SCPEP1: variants seen among roughly 807,000 people sequenced by gnomAD.
SCPEP1 encodes the protein retinoid-inducible serine carboxypeptidase.
Under a neutral mutation model 63.8 loss-of-function variants are expected in SCPEP1, and 51 were observed. The observed-to-expected ratio is 0.80, with a 90% confidence interval of 0.64 to 1.01. The LOEUF is 1.01. Among genes scored for constraint, SCPEP1 ranks in the 50% least tolerant of loss-of-function variants. The pLI, the probability that SCPEP1 is intolerant of heterozygous loss-of-function variation, is 0.00. For missense variants in SCPEP1, 499 were observed against 554.9 expected (o/e 0.90, Z 1.01); for synonymous variants, 204 against 207.8 (o/e 0.98, Z 0.16).
intron 3 of SCPEP1, chr17:56,987,482 C>T (rs1285003782): frequency 6.4e-5 from 22 of 342,892 alleles, no homozygotes; most frequent in East Asian, 9.4e-5. Context: ...TTTTTTTTTG[C>T]GGCGGCGGGG....
chr17:57,003,173 A>C (rs371505530), intron 12 of SCPEP1, among the ~76,000 whole-genome samples: 1 of 152,112 alleles, frequency 6.6e-6, no homozygotes, highest in Non-Finnish European at 1.5e-5. Context: ...CATGGAGAGC[A>C]GTGAATACAA....
chr17:57,002,299 G>A (rs1003124144), intron 12 of SCPEP1, 118 bp downstream of exon 12: 7 of 957,144 alleles, frequency 7.3e-6, no homozygotes, highest in South Asian at 4.9e-5. Context: ...GGGCCCGAGG[G>A]CCAGGTACAG....
chr17:56,997,085 C>T (rs1163084348), intron 9 of SCPEP1, 30 bp downstream of exon 9: 3 of 1,339,734 alleles, frequency 2.2e-6, no homozygotes, highest in Non-Finnish European at 3.1e-6. Flanking sequence ...ATTAAAGTCC[C>T]TGCCTCAGCC....
intron 2 of SCPEP1, 65 bp from the exon 3 acceptor site, chr17:56,985,313 T>TGGTC: frequency 4.2e-6 from 5 of 1,180,174 alleles, no homozygotes; most frequent in Non-Finnish European, 6.4e-6. Flanking sequence ...ATAGCAAATG[T>TGGTC]GGTCATTCAT....
chr17:56,982,417 CTT>C (rs1278966048), intron 2 of SCPEP1, among the ~76,000 whole-genome samples: 4 of 152,236 alleles, frequency 2.6e-5, no homozygotes, highest in African/African-American at 9.6e-5. Context: ...GGGCCTTTCT[CTT>C]TTGGAATTAT....
chr17:57,001,975 C>T, intron 11 of SCPEP1, 43 bp from the exon 12 acceptor site: 3 of 1,585,906 alleles, frequency 1.9e-6, no homozygotes, highest in African/African-American at 1.4e-5. Context: ...CCTATTCTAT[C>T]CAGCTGTTAA....
intron 12 of SCPEP1, among the ~76,000 whole-genome samples, chr17:57,003,280 C>T (rs1911795168): frequency 6.6e-6 from 1 of 152,050 alleles, no homozygotes; most frequent in African/African-American, 2.4e-5. Flanking sequence ...GGAGTTCAGA[C>T]AGTAGGGCAC....
At position 56,991,060 on chromosome 17, in the gene SCPEP1, T is replaced by A. The variant is rs747704326; in HGVS notation, c.547-39T>A. ...GTGTTGGGATTACTGCGTGAGCCACTGCACCTGGCCTGAGGACGTTTCTTG... is the reference window on the plus strand; with the variant it reads ...GTGTTGGGATTACTGCGTGAGCCACAGCACCTGGCCTGAGGACGTTTCTTG... On this transcript the variant is annotated intron_variant, in intron 5 of 12. Transcript: ENST00000262288. The A allele has an allele frequency of 2.0e-6, 3 of 1,508,428 alleles. No homozygotes were observed. The Admixed American group carries it at 5.0e-5, about 25-fold the overall frequency. 93.4% of individuals were successfully genotyped at this position (1,508,428 alleles called of 1,614,324 possible).
At chr17:56,999,981 TAAAAAAAAAAAA>T (rs761068231) in intron 10 of SCPEP1, among the ~76,000 whole-genome samples, 1 of 103,838 alleles carries the variant, frequency 9.6e-6, no homozygotes, top group Admixed American at 9.9e-5. Flanking sequence ...AAACTCTGTC[TAAAAAAAAAAAA>T]AAAAAAAAGA....
chr17:57,003,216 G>T (rs1766659150), intron 12 of SCPEP1, among the ~76,000 whole-genome samples: 1 of 152,170 alleles, frequency 6.6e-6, no homozygotes, highest in African/African-American at 2.4e-5. Context: ...CGAGGACTTG[G>T]AATGGACACT....
At chr17:56,981,534 G>T (rs893368648) in intron 2 of SCPEP1, among the ~76,000 whole-genome samples, 1 of 152,142 alleles carries the variant, frequency 6.6e-6, no homozygotes, top group Non-Finnish European at 1.5e-5. Flanking sequence ...GTGTTTTGAG[G>T]CCGGGCACAG....
chr17:56,979,705 C>T (rs1911016250), intron 1 of SCPEP1, among the ~76,000 whole-genome samples: 1 of 152,128 alleles, frequency 6.6e-6, no homozygotes, highest in Non-Finnish European at 1.5e-5. Flanking sequence ...AAATCATCTA[C>T]ATGAGTTAGG....
intron 1 of SCPEP1, among the ~76,000 whole-genome samples, chr17:56,980,772 G>A (rs1911043901): frequency 8.6e-6 from 1 of 116,332 alleles, no homozygotes; most frequent in African/African-American, 3.3e-5. Context: ...TGGGCAACAA[G>A]AGCGAGACTT....
At chr17:56,995,397 C>A in intron 7 of SCPEP1, 110 bp from the exon 8 acceptor site, 1 of 1,138,516 alleles carries the variant, frequency 8.8e-7, no homozygotes, top group Non-Finnish European at 1.3e-6. Context: ...GATATGTGAG[C>A]TCCCGTTCTC....
intron 2 of SCPEP1, 141 bp from the exon 3 acceptor site, chr17:56,985,237 G>T: frequency 1.5e-6 from 1 of 662,680 alleles, no homozygotes. Flanking sequence ...GGAAGTCCCT[G>T]GTTCACTAGA....
intron 12 of SCPEP1, 21 bp downstream of exon 12, chr17:57,002,202 C>T (rs1451362491): frequency 1.2e-6 from 2 of 1,609,884 alleles, no homozygotes; most frequent in African/African-American, 2.7e-5. Flanking sequence ...GCTTTTGTTC[C>T]AGACTTAAAA....
rs139378442 is a variant in SCPEP1 at position 57,000,988 on chromosome 17, C to T, written c.1128C>T (p.Thr376=). The change falls in exon 11 of 13, where the codon ACC becomes ACT. Residue 376 remains threonine, a synonymous_variant. Coordinates refer to ENST00000262288, the MANE Select transcript of SCPEP1 (RefSeq NM_021626.3). ...GACAGCTGGATCTCATCGTAGATAC[C>T]ATGGGTAGGAATTGACTCTGAGAGG... ...YNGQLDLIVD[T]MGQEAWVRKL... The T allele has an allele frequency of 5.0e-5, 80 of 1,613,980 alleles. No individual in the cohort carries two copies. The highest frequency in any genetic ancestry group is 6.1e-5 in the Non-Finnish European group (72 of 1,180,024).
chr17:56,987,562 A>T, intron 3 of SCPEP1, 133 bp from the exon 4 acceptor site: 1 of 726,356 alleles, frequency 1.4e-6, no homozygotes, highest in South Asian at 3.8e-5. Context: ...AATCTCTTTT[A>T]GCAACAGGGA....
At chr17:56,986,778 C>T (rs996248521) in intron 3 of SCPEP1, among the ~76,000 whole-genome samples, 2 of 152,056 alleles carry the variant, frequency 1.3e-5, no homozygotes, top group Non-Finnish European at 2.9e-5. Flanking sequence ...ATCTCCTGAC[C>T]TCGTGATCCT....
Sources: gnomAD v4.1 joint callset for allele counts (sites outside exome capture counted in the v4.1 genomes callset) on GRCh38, gnomAD v4.1.1 for gene constraint, MANE v1.5 for transcripts, NCBI Gene and HGNC (gene_info 2026-07-23, HGNC 2026-07-21) for gene names.